DNAH6: variants seen among roughly 807,000 people sequenced by gnomAD.
DNAH6 encodes dynein axonemal heavy chain 6.
A neutral mutation model predicts 491.4 loss-of-function variants in DNAH6; 340 were observed. That is an observed-to-expected ratio of 0.69 (90% CI 0.63 to 0.76). The LOEUF is 0.76. DNAH6 is among the 30% of genes least tolerant of loss of function. The pLI is 0.00. For synonymous variants in DNAH6, 1,603 were observed against 1,686.1 expected, an observed-to-expected ratio of 0.95 and a Z score of 1.21; for missense variants, 4,443 against 4,972.2, an observed-to-expected ratio of 0.89 and a Z score of 3.20.
intron 52 of DNAH6, 21 bp from the exon 53 acceptor site, chr2:84,706,875 A>G (rs931366673): frequency 2.5e-5 from 39 of 1,529,814 alleles, no homozygotes; most frequent in Non-Finnish European, 3.4e-5. Flanking sequence ...CTGTTCTTAA[A>G]CAGTTGCTTG....
At chr2:84,505,969 T>C in the DNAH6 span, among the ~76,000 whole-genome samples, 13 of 152,246 alleles carry the variant, frequency 8.5e-5, no homozygotes, top group African/African-American at 3.1e-4. Context: ...TGTTGGACAT[T>C]TGGGTTGGTT....
At position 84,598,127 on chromosome 2, in the gene DNAH6, T is replaced by TTTTCTTTCTCTTTC. The variant is rs1553438003; in HGVS notation, c.2868+2347_2868+2348insCTTTCTTTCTTTCT. On this transcript the variant is annotated intron_variant, in intron 18 of 76. Coordinates refer to ENST00000389394, the MANE Select transcript of DNAH6 (RefSeq NM_001370.2). Reference sequence around the variant, plus strand: ...GAACTCGTGGTTCTTTCTATCTTTCTTTTCTTTCTTTCTTTCTTTCTTTCT... The same window carrying TTTTCTTTCTCTTTC: ...GAACTCGTGGTTCTTTCTATCTTTCTTTTCTTTCTCTTTCTTTCTTTCTTTCTTTCTTTCTTTCT... Among the ~76,000 whole-genome samples the TTTTCTTTCTCTTTC allele has an allele frequency of 9.1e-5, 10 of 109,400 alleles. No homozygotes were observed. The East Asian group carries it at 1.5e-3, about 17-fold the overall frequency. 71.8% of individuals were successfully genotyped at this position (109,400 alleles called of 152,430 possible). A position where few individuals can be genotyped will look rare whatever the true frequency, so the allele number is the denominator to read the frequency against.
intron 63 of DNAH6, among the ~76,000 whole-genome samples, chr2:84,751,497 T>C (rs1282637461): frequency 6.6e-6 from 1 of 152,224 alleles, no homozygotes; most frequent in Non-Finnish European, 1.5e-5. Flanking sequence ...AGATAAAATT[T>C]CATTTCAAAA....
At chr2:84,733,630 A>T (rs958907359) in intron 62 of DNAH6, 51 bp downstream of exon 62, 2 of 1,477,668 alleles carry the variant, frequency 1.4e-6, no homozygotes, top group African/African-American at 2.8e-5. Flanking sequence ...AGGCTCTTGA[A>T]TCCTAATCTT....
intron 22 of DNAH6, among the ~76,000 whole-genome samples, chr2:84,614,937 A>G (rs1315794313): frequency 1.3e-5 from 2 of 152,022 alleles, no homozygotes; most frequent in Non-Finnish European, 2.9e-5. Context: ...TGCCAGATGT[A>G]CAGATTCTGA....
chr2:84,564,942 A>T (rs1272272486), intron 11 of DNAH6, among the ~76,000 whole-genome samples: 1 of 152,150 alleles, frequency 6.6e-6, no homozygotes, highest in Admixed American at 6.5e-5. Flanking sequence ...GTCTATTGAG[A>T]TGATCATATG....
intron 21 of DNAH6, among the ~76,000 whole-genome samples, chr2:84,611,091 G>A (rs1686279617): frequency 6.6e-6 from 1 of 152,120 alleles, no homozygotes; most frequent in Non-Finnish European, 1.5e-5. Flanking sequence ...GAAAGGTGAG[G>A]TCTATAGACA....
At chr2:84,688,331 A>T (rs531088765) in intron 44 of DNAH6, 108 bp from the exon 45 acceptor site, 1 of 876,004 alleles carries the variant, frequency 1.1e-6, no homozygotes, top group South Asian at 2.5e-5. Context: ...TATTGCAAAG[A>T]CCTTCAAAAT....
chr2:84,540,079 T>A lies in DNAH6; in HGVS notation c.663-4154T>A, dbSNP rs1024683859. On this transcript the variant is annotated intron_variant, in intron 4 of 76. Coordinates refer to ENST00000389394, the MANE Select transcript of DNAH6 (RefSeq NM_001370.2). ...AATAATGAAAATAGACCACTTAGAG[T>A]TGTATAGGGCCACAAGAGCTTATCT... Among the ~76,000 whole-genome samples, 9 of 151,996 alleles carry A rather than the reference T, an allele frequency of 5.9e-5. No homozygotes were observed. The East Asian group carries it at 1.5e-3, about 26-fold the overall frequency.
chr2:84,512,142 A>G (rs922844379), upstream of DNAH6, among the ~76,000 whole-genome samples: 10 of 152,016 alleles, frequency 6.6e-5, no homozygotes, highest in Non-Finnish European at 1.5e-4. Flanking sequence ...CAATTATTCT[A>G]TTTCCTTATT....
chr2:84,595,889 C>A, intron 18 of DNAH6, 100 bp downstream of exon 18: 2 of 1,218,076 alleles, frequency 1.6e-6, no homozygotes, highest in Non-Finnish European at 2.2e-6. Context: ...TTAAGTTAGT[C>A]AGCTTTGCAG....
At chr2:84,634,368 A>T (rs1021363487) in intron 29 of DNAH6, 136 bp from the exon 30 acceptor site, 5 of 814,346 alleles carry the variant, frequency 6.1e-6, no homozygotes, top group Non-Finnish European at 8.6e-6. Context: ...CTTCTGACAT[A>T]GACCAGTATT....
intron 63 of DNAH6, among the ~76,000 whole-genome samples, chr2:84,755,470 A>G (rs1180606835): frequency 6.6e-6 from 1 of 152,192 alleles, no homozygotes. Flanking sequence ...CCTTCTCATT[A>G]CTACTGTATA....
In DNAH6 at chr2:84,811,283, T is replaced by C. The variant is rs140556530; in HGVS notation, c.11740-1058T>C. On this transcript the variant is annotated intron_variant, in intron 72 of 76. Coordinates refer to ENST00000389394, the MANE Select transcript of DNAH6 (RefSeq NM_001370.2). ...GCCTTATTTGGTTGCTTAGTCAACA[T>C]AAATTTTGCCTCTAACGTCTTCCTA... Among the ~76,000 whole-genome samples, 704 of 152,354 alleles carry C rather than the reference T, an allele frequency of 4.6e-3. 2 individuals carry two copies. Among genetic ancestry groups the C allele is most frequent in the Non-Finnish European group, 6.2e-3 (421 of 68,030 alleles).
At chr2:84,570,951 C>G (rs996640053) in intron 11 of DNAH6, among the ~76,000 whole-genome samples, 2 of 152,000 alleles carry the variant, frequency 1.3e-5, no homozygotes, top group East Asian at 3.9e-4. Context: ...CAAACAACTC[C>G]GGACACACCA....
chr2:84,511,555 C>T (rs7577750), upstream of DNAH6, among the ~76,000 whole-genome samples: 46 of 152,324 alleles, frequency 3.0e-4, no homozygotes, highest in African/African-American at 1.1e-3. Flanking sequence ...CTTCGGCTCA[C>T]TCTCGGTGCG....
In DNAH6 at chr2:84,722,723, A is replaced by C; in HGVS notation, c.9891A>C (p.Gln3297His). The C allele has an allele frequency of 6.5e-7, 1 of 1,548,092 alleles. No homozygotes were observed. Residue 3297 changes from glutamine to histidine, a missense_variant, in exon 60 of 77, where the codon CAA (glutamine) becomes CAC (histidine). By Grantham distance (24) the Gln-to-His change is conservative. Coordinates refer to ENST00000389394, the MANE Select transcript of DNAH6 (RefSeq NM_001370.2). The stretch of plus-strand genomic sequence containing the variant: ...AGAAGTATCGTCCAGTGGCCACTCA[A>C]GGCTCTGTAATGTACTTTGTCATTG... ...AREKYRPVAT[Q>H]GSVMYFVIAS...
chr2:84,488,066 T>A, the DNAH6 span, among the ~76,000 whole-genome samples: 1 of 152,322 alleles, frequency 6.6e-6, no homozygotes, highest in East Asian at 1.9e-4. Context: ...TTGAGTACTC[T>A]GTTTTTAGGC....
intron 5 of DNAH6, 95 bp downstream of exon 5, chr2:84,544,595 A>C (rs1016927278): frequency 3.9e-5 from 28 of 713,950 alleles, no homozygotes; most frequent in Middle Eastern, 4.1e-4. Context: ...CTTGAAATCA[A>C]ATATTTTATA....
Sources: gnomAD v4.1 joint callset for allele counts (sites outside exome capture counted in the v4.1 genomes callset) on GRCh38, gnomAD v4.1.1 for gene constraint, MANE v1.5 for transcripts, NCBI Gene and HGNC (gene_info 2026-07-23, HGNC 2026-07-21) for gene names.